The following MAML2 variants were observed in gnomAD, a reference collection of about 807,000 sequenced individuals.
MAML2 encodes the protein mastermind-like protein 2.
MAML2 carries 22 observed loss-of-function variants against 96.1 expected under a neutral mutation model. The observed-to-expected ratio is 0.23, with a 90% confidence interval of 0.16 to 0.33. The LOEUF (loss-of-function observed/expected upper bound fraction) is 0.33, where lower values mean the gene tolerates loss of function less well. Ranked by LOEUF, MAML2 falls within the 10% of genes least tolerant of loss-of-function variation. MAML2 has a pLI of 1.00. For synonymous variants in MAML2, 561 were observed against 521.3 expected (o/e 1.08, Z -1.04); for missense variants, 1,367 against 1,392.4 (o/e 0.98, Z 0.29).
chr11:96,002,755 G>GGAGGATGAT (rs1565186418), intron 2 of MAML2, among the ~76,000 whole-genome samples: 9 of 142,672 alleles, frequency 6.3e-5, no homozygotes, highest in African/African-American at 1.1e-4. Flanking sequence ...GGGATGATGA[G>GGAGGATGAT]GAGGATGATG....
chr11:96,071,698 A>T (rs1187419497), intron 2 of MAML2, among the ~76,000 whole-genome samples: 1 of 152,206 alleles, frequency 6.6e-6, no homozygotes, highest in Non-Finnish European at 1.5e-5. Context: ...AGACTCATGG[A>T]TATTTAGGTG....
chr11:96,030,029 C>T (rs961320910), intron 2 of MAML2, among the ~76,000 whole-genome samples: 30 of 152,142 alleles, frequency 2.0e-4, no homozygotes, highest in African/African-American at 6.0e-4. Context: ...GTCAGACGTT[C>T]GAGACCAACC....
intron 1 of MAML2, among the ~76,000 whole-genome samples, chr11:96,164,159 A>AG (rs1861156699): frequency 6.6e-6 from 1 of 152,122 alleles, no homozygotes; most frequent in Non-Finnish European, 1.5e-5. Context: ...TATAGGCATG[A>AG]GCCACCGTGC....
intron 1 of MAML2, among the ~76,000 whole-genome samples, chr11:96,168,391 A>G (rs1293915151): frequency 2.6e-5 from 4 of 152,202 alleles, no homozygotes; most frequent in African/African-American, 9.6e-5. Context: ...AACTCTAGTC[A>G]AAGACCATAT....
At chr11:96,229,194 T>G (rs954117249) in intron 1 of MAML2, among the ~76,000 whole-genome samples, 1 of 151,628 alleles carries the variant, frequency 6.6e-6, no homozygotes, top group African/African-American at 2.4e-5. Flanking sequence ...CTCAGATAAG[T>G]CAAGAGAGGG....
chr11:96,274,077 C>CTTTTTTTTTTTTT (rs992096555), intron 1 of MAML2, among the ~76,000 whole-genome samples: 4 of 91,792 alleles, frequency 4.4e-5, no homozygotes, highest in Non-Finnish European at 8.3e-5. Context: ...TTTCCTTTTC[C>CTTTTTTTTTTTTT]TTTTTTTTTT....
chr11:96,274,860 G>C (rs1233913660), intron 1 of MAML2, among the ~76,000 whole-genome samples: 1 of 152,074 alleles, frequency 6.6e-6, no homozygotes, highest in Non-Finnish European at 1.5e-5. Context: ...TAATACCCTA[G>C]AGATCACTAC....
At chr11:95,982,704 C>T (rs1857759242) in intron 4 of MAML2, among the ~76,000 whole-genome samples, 1 of 152,136 alleles carries the variant, frequency 6.6e-6, no homozygotes, top group African/African-American at 2.4e-5. Flanking sequence ...AAAGCTCGCT[C>T]ATAGGCCATG....
chr11:96,283,881 C>CG (rs1863103233), intron 1 of MAML2, among the ~76,000 whole-genome samples: 1 of 152,254 alleles, frequency 6.6e-6, no homozygotes, highest in Admixed American at 6.5e-5. Context: ...TTCTAATGGA[C>CG]GACTTTCTTC....
intron 1 of MAML2, among the ~76,000 whole-genome samples, chr11:96,330,900 T>C (rs1412781021): frequency 6.6e-6 from 1 of 152,148 alleles, no homozygotes; most frequent in African/African-American, 2.4e-5. Flanking sequence ...AAAGCATCCA[T>C]TTTTTGATGC....
At chr11:96,124,278 A>C (rs1461487500) in intron 1 of MAML2, among the ~76,000 whole-genome samples, 1 of 152,092 alleles carries the variant, frequency 6.6e-6, no homozygotes, top group African/African-American at 2.4e-5. Flanking sequence ...CTGTGTTGGA[A>C]GTGGGAGATA....
At chr11:96,064,686 G>A (rs777963664) in intron 2 of MAML2, among the ~76,000 whole-genome samples, 20 of 152,188 alleles carry the variant, frequency 1.3e-4, no homozygotes, top group Admixed American at 2.0e-4. Flanking sequence ...TTTTGTGTAA[G>A]TTAATTAACC....
At chr11:96,321,945 G>A (rs897234685) in intron 1 of MAML2, among the ~76,000 whole-genome samples, 2 of 152,080 alleles carry the variant, frequency 1.3e-5, no homozygotes, top group Non-Finnish European at 2.9e-5. Context: ...CCTGAAGGCC[G>A]AGTTTTTTGT....
chr11:95,995,169 G>A (rs971492789), intron 2 of MAML2, among the ~76,000 whole-genome samples: 1 of 152,180 alleles, frequency 6.6e-6, no homozygotes, highest in Non-Finnish European at 1.5e-5. Context: ...GATAGAACTC[G>A]CAGACTACAG....
intron 1 of MAML2, among the ~76,000 whole-genome samples, chr11:96,191,086 A>G (rs1379555846): frequency 6.6e-6 from 1 of 152,206 alleles, no homozygotes; most frequent in Admixed American, 6.5e-5. Context: ...ATAGATGCAG[A>G]AAGAGTCTAA....
intron 2 of MAML2, among the ~76,000 whole-genome samples, chr11:96,073,611 A>G (rs1443929459): frequency 1.3e-5 from 2 of 152,040 alleles, no homozygotes; most frequent in Non-Finnish European, 2.9e-5. Flanking sequence ...TGAGCCAATT[A>G]AAGGAGTCAT....
At chr11:96,308,031 G>C (rs192010924) in intron 1 of MAML2, among the ~76,000 whole-genome samples, 1 of 152,098 alleles carries the variant, frequency 6.6e-6, no homozygotes, top group Non-Finnish European at 1.5e-5. Context: ...AAAGCCCTGC[G>C]CATGCTCATG....
intron 3 of MAML2, among the ~76,000 whole-genome samples, chr11:95,988,186 A>G (rs1358995390): frequency 6.6e-6 from 1 of 151,454 alleles, no homozygotes; most frequent in Non-Finnish European, 1.5e-5. Flanking sequence ...AAAGAGAAGA[A>G]GGTGCTTGAC....
intron 1 of MAML2, among the ~76,000 whole-genome samples, chr11:96,125,725 G>T (rs1418343800): frequency 2.6e-5 from 4 of 152,208 alleles, no homozygotes; most frequent in African/African-American, 9.7e-5. Flanking sequence ...TCCAGTGAGA[G>T]AAGCCTAAAA....
Sources: gnomAD v4.1 joint callset for allele counts (sites outside exome capture counted in the v4.1 genomes callset) on GRCh38, gnomAD v4.1.1 for gene constraint, MANE v1.5 for transcripts, NCBI Gene and HGNC (gene_info 2026-07-23, HGNC 2026-07-21) for gene names.